Variants in ZFHX3 observed in about 807,000 individuals in gnomAD.
ZFHX3 encodes the protein zinc finger homeobox 3.
Under a neutral mutation model 279.1 loss-of-function variants are expected in ZFHX3, and 42 were observed. That is an observed-to-expected ratio of 0.15 (90% CI 0.12 to 0.19). ZFHX3 has a LOEUF of 0.19. Ranked by LOEUF, ZFHX3 falls within the 10% of genes least tolerant of loss-of-function variation. The pLI is 1.00. For synonymous variants in ZFHX3, 2,293 were observed against 1,957.8 expected (o/e 1.17, Z -4.52); for missense variants, 4,981 against 4,754.0 (o/e 1.05, Z -1.40).
intron 5 of ZFHX3, among the ~76,000 whole-genome samples, chr16:73,168,267 C>CTTTCTTTCT (rs1967438457): frequency 6.7e-6 from 1 of 148,626 alleles, no homozygotes; most frequent in African/African-American, 2.5e-5. Context: ...TTCTTTCTTT[C>CTTTCTTTCT]TTTCTTTCTT....
intron 5 of ZFHX3, among the ~76,000 whole-genome samples, chr16:73,176,248 C>A (rs1967661029): frequency 6.6e-6 from 1 of 152,124 alleles, no homozygotes; most frequent in African/African-American, 2.4e-5. Flanking sequence ...CCTCATCTGC[C>A]AAGTCAGAAG....
chr16:73,710,962 C>T lies in ZFHX3; in HGVS notation c.-1607-30722G>A, dbSNP rs141277454. 5.2e-4 allele frequency among the ~76,000 whole-genome samples: 79 copies of T among 152,310 alleles called. 2 individuals carry two copies. The East Asian group carries it at 0.015, about 29-fold the overall frequency. On this transcript the variant is annotated intron_variant, in intron 1 of 17. Coordinates refer to the ZFHX3 transcript ENST00000641206. ...AGCATTTCCCTGCTACTCAGCAAGG[C>T]CAGGGACTGGCTGTAAATTACTGCA...
intron 2 of ZFHX3, among the ~76,000 whole-genome samples, chr16:73,552,292 A>G (rs2020214252): frequency 6.6e-6 from 1 of 152,206 alleles, no homozygotes; most frequent in Non-Finnish European, 1.5e-5. Context: ...TTGCAAAGTC[A>G]AGCAAGAGCC....
chr16:73,110,054 C>A (rs1224155845), intron 7 of ZFHX3, among the ~76,000 whole-genome samples: 1 of 151,868 alleles, frequency 6.6e-6, no homozygotes, highest in African/African-American at 2.4e-5. Context: ...TCCTGGCTCA[C>A]ATGGTGAAAC....
chr16:72,989,528 G>A (rs1246624944), intron 1 of ZFHX3, among the ~76,000 whole-genome samples: 5 of 151,414 alleles, frequency 3.3e-5, no homozygotes, highest in Admixed American at 6.6e-5. Flanking sequence ...CAGCCAATGC[G>A]AGAAGCAGGC....
In ZFHX3 at chr16:73,666,584, G is replaced by C. The variant is rs573217970; in HGVS notation, c.-1547+13596C>G. On this transcript the variant is annotated intron_variant, in intron 2 of 17. Transcript: ENST00000641206. ...CATCACGTCAGATCTGTGAATCTCA[G>C]ACTGCTGGACCCTTCTCTTTATAGT... 9.1e-4 allele frequency among the ~76,000 whole-genome samples: 138 copies of C among 152,032 alleles called. 2 individuals carry two copies. Among genetic ancestry groups the C allele is most frequent in the Admixed American group, 1.5e-3 (23 of 15,300 alleles).
intron 4 of ZFHX3, among the ~76,000 whole-genome samples, chr16:72,856,952 AGGGC>A (rs2037767849): frequency 6.6e-6 from 1 of 152,234 alleles, no homozygotes; most frequent in Non-Finnish European, 1.5e-5. Flanking sequence ...TTCTGCCAGT[AGGGC>A]AGCCAGTAAG....
At chr16:73,714,050 C>A (rs1175404884) in intron 1 of ZFHX3, among the ~76,000 whole-genome samples, 3 of 152,162 alleles carry the variant, frequency 2.0e-5, no homozygotes, top group Non-Finnish European at 2.9e-5. Flanking sequence ...TGACCCGCGG[C>A]ACACTGGGCT....
intron 3 of ZFHX3, among the ~76,000 whole-genome samples, chr16:72,925,930 A>C (rs1448731166): frequency 2.0e-5 from 3 of 152,198 alleles, no homozygotes; most frequent in Non-Finnish European, 2.9e-5. Context: ...GTTTCTTGAA[A>C]GGGCCCTATA....
At chr16:72,859,331 A>G (rs1254664872) in intron 4 of ZFHX3, among the ~76,000 whole-genome samples, 2 of 152,120 alleles carry the variant, frequency 1.3e-5, no homozygotes, top group Non-Finnish European at 2.9e-5. Flanking sequence ...TCTGGATTCC[A>G]TTCTTTGTGG....
At chr16:73,482,349 A>T (rs1170606569) in intron 2 of ZFHX3, among the ~76,000 whole-genome samples, 2 of 152,154 alleles carry the variant, frequency 1.3e-5, no homozygotes, top group African/African-American at 4.8e-5. Flanking sequence ...ATCCCACTGA[A>T]ATCTAAGAGA....
intron 6 of ZFHX3, among the ~76,000 whole-genome samples, chr16:73,140,409 A>G (rs953623412): frequency 2.6e-5 from 4 of 152,194 alleles, no homozygotes; most frequent in African/African-American, 9.7e-5. Context: ...TTGGACCTCT[A>G]ATGGCTATCA....
At chr16:73,092,622 A>C (rs1966098746) in intron 8 of ZFHX3, 1 of 248,522 alleles carries the variant, frequency 4.0e-6, no homozygotes, top group Middle Eastern at 1.5e-3. Context: ...ACGCCTTCAT[A>C]GAATCAAGCC....
intron 1 of ZFHX3, among the ~76,000 whole-genome samples, chr16:73,040,349 G>A (rs531320103): frequency 1.3e-5 from 2 of 152,300 alleles, no homozygotes; most frequent in South Asian, 2.1e-4. Context: ...CGAGCAGGAG[G>A]GGGTAGAGGG....
intron 1 of ZFHX3, chr16:72,973,458 T>C (rs1244271758): frequency 1.3e-5 from 2 of 152,274 alleles, no homozygotes; most frequent in African/African-American, 4.8e-5. Context: ...CTCTGCATTC[T>C]GATGCATTAT....
chr16:73,761,092 C>T (rs530799351), intron 1 of ZFHX3, among the ~76,000 whole-genome samples: 2 of 152,176 alleles, frequency 1.3e-5, no homozygotes, highest in African/African-American at 4.8e-5. Context: ...ACCTCATCAT[C>T]TCAGCCCAAA....
intron 2 of ZFHX3, chr16:73,609,838 A>G (rs1655160036): frequency 6.6e-6 from 1 of 152,246 alleles, no homozygotes. Context: ...TAGAAAGAAG[A>G]GACGCTATTC....
intron 2 of ZFHX3, among the ~76,000 whole-genome samples, chr16:73,637,141 T>C (rs567133455): frequency 2.0e-5 from 3 of 151,776 alleles, no homozygotes; most frequent in South Asian, 4.2e-4. Context: ...TTCAAATCAA[T>C]AGGAAAGCTG....
At chr16:72,826,136 A>G (rs1406882447) in intron 5 of ZFHX3, among the ~76,000 whole-genome samples, 2 of 152,146 alleles carry the variant, frequency 1.3e-5, no homozygotes, top group African/African-American at 4.8e-5. Flanking sequence ...TCAGATCACT[A>G]TCTTGCTTGC....
Sources: gnomAD v4.1 joint callset for allele counts (sites outside exome capture counted in the v4.1 genomes callset) on GRCh38, gnomAD v4.1.1 for gene constraint, MANE v1.5 for transcripts, NCBI Gene and HGNC (gene_info 2026-07-23, HGNC 2026-07-21) for gene names.